GRIP1: variants seen among roughly 807,000 people sequenced by gnomAD.
GRIP1 encodes glutamate receptor interacting protein 1.
In GRIP1, 45 loss-of-function variants were observed where a neutral mutation model predicts 129.9. The ratio of observed to expected loss-of-function variants is 0.35; its 90% CI spans 0.27 to 0.44. The LOEUF (loss-of-function observed/expected upper bound fraction) is 0.44. GRIP1 is among the 20% of genes least tolerant of loss of function. The pLI is 1.00. For synonymous variants in GRIP1, 530 were observed against 520.8 expected, an observed-to-expected ratio of 1.02 and a Z score of -0.24; for missense variants, 1,196 against 1,396.8, an observed-to-expected ratio of 0.86 and a Z score of 2.29.
intron 1 of GRIP1, among the ~76,000 whole-genome samples, chr12:66,719,931 A>G (rs1424169942): frequency 6.6e-6 from 1 of 152,208 alleles, no homozygotes; most frequent in Non-Finnish European, 1.5e-5. Context: ...GCCCAATATC[A>G]CACAATGAGT....
At chr12:66,668,115 G>A (rs1362795106) in intron 1 of GRIP1, among the ~76,000 whole-genome samples, 1 of 152,172 alleles carries the variant, frequency 6.6e-6, no homozygotes, top group Non-Finnish European at 1.5e-5. Flanking sequence ...TGTGGTCAGT[G>A]TGCCTTGAGT....
intron 1 of GRIP1, among the ~76,000 whole-genome samples, chr12:67,000,345 T>C (rs1304498598): frequency 1.3e-5 from 2 of 152,230 alleles, no homozygotes; most frequent in Non-Finnish European, 2.9e-5. Context: ...GATTTAGCTA[T>C]ATTTCTCCGA....
intron 23 of GRIP1, among the ~76,000 whole-genome samples, chr12:66,370,959 AATCATCTACTGCAAGTCTGTAATGAAAG>A (rs2055453557): frequency 6.6e-6 from 1 of 152,090 alleles, no homozygotes; most frequent in Non-Finnish European, 1.5e-5. Context: ...TGAACAACAT[AATCATCTACTGCAAGTCTGTAATGAAAG>A]ATTAAGCCTC....
chr12:67,026,061 T>A (rs1039935052), intron 1 of GRIP1, among the ~76,000 whole-genome samples: 1 of 152,194 alleles, frequency 6.6e-6, no homozygotes, highest in Non-Finnish European at 1.5e-5. Context: ...TAACTCCCTG[T>A]CGGGGCTGCT....
intron 15 of GRIP1, among the ~76,000 whole-genome samples, chr12:66,414,262 C>T (rs2057505525): frequency 6.6e-6 from 1 of 152,184 alleles, no homozygotes; most frequent in African/African-American, 2.4e-5. Flanking sequence ...CATACAAAAT[C>T]ACTGTGCAGA....
intron 1 of GRIP1, among the ~76,000 whole-genome samples, chr12:66,707,950 T>C (rs2035589821): frequency 6.6e-6 from 1 of 152,074 alleles, no homozygotes; most frequent in Admixed American, 6.6e-5. Context: ...TGCATAGTAC[T>C]GAATGTTAGT....
At chr12:66,759,638 C>T (rs1456618443) in intron 1 of GRIP1, among the ~76,000 whole-genome samples, 1 of 151,860 alleles carries the variant, frequency 6.6e-6, no homozygotes, top group South Asian at 2.1e-4. Context: ...CCCAAGTCAC[C>T]TTTTGAATGC....
intron 1 of GRIP1, among the ~76,000 whole-genome samples, chr12:67,000,213 T>C (rs143073402): frequency 1.3e-5 from 2 of 152,238 alleles, no homozygotes; most frequent in Non-Finnish European, 2.9e-5. Context: ...ATTAGGTAAG[T>C]ACTACAGGGC....
At chr12:66,705,696 A>G (rs2035504250) in intron 1 of GRIP1, among the ~76,000 whole-genome samples, 1 of 152,190 alleles carries the variant, frequency 6.6e-6, no homozygotes, top group South Asian at 2.1e-4. Context: ...TGGTACTGGT[A>G]CCAAAACAGA....
chr12:66,387,794 AAAAT>A (rs2056417524), intron 19 of GRIP1, among the ~76,000 whole-genome samples: 1 of 152,266 alleles, frequency 6.6e-6, no homozygotes, highest in South Asian at 2.1e-4. Context: ...ACGAAAGAGA[AAAAT>A]AAAATCCTGC....
At chr12:66,703,053 T>C (rs2035404899) in intron 1 of GRIP1, among the ~76,000 whole-genome samples, 1 of 152,148 alleles carries the variant, frequency 6.6e-6, no homozygotes, top group Non-Finnish European at 1.5e-5. Flanking sequence ...ACTTCCAGGA[T>C]AGAGTCTGCA....
chr12:66,729,468 T>C (rs1254372903), intron 1 of GRIP1, among the ~76,000 whole-genome samples: 4 of 152,146 alleles, frequency 2.6e-5, no homozygotes, highest in African/African-American at 7.2e-5. Flanking sequence ...CAAAAGTAAA[T>C]CTAGAAGGAA....
At chr12:66,654,581 G>A (rs1402454232) in intron 1 of GRIP1, among the ~76,000 whole-genome samples, 1 of 152,164 alleles carries the variant, frequency 6.6e-6, no homozygotes, top group Non-Finnish European at 1.5e-5. Context: ...AACTATGCTG[G>A]TATGTAAATA....
At chr12:66,448,130 C>T (rs905042842) in intron 11 of GRIP1, among the ~76,000 whole-genome samples, 4 of 152,072 alleles carry the variant, frequency 2.6e-5, no homozygotes, top group Admixed American at 1.3e-4. Flanking sequence ...AGTAATGGAT[C>T]TCCCTCCTTG....
intron 1 of GRIP1, among the ~76,000 whole-genome samples, chr12:66,955,695 CAG>C (rs958464852): frequency 1.3e-5 from 2 of 151,796 alleles, no homozygotes; most frequent in Non-Finnish European, 2.9e-5. Context: ...TTAGTAGAGA[CAG>C]GGTTCCTCCA....
chr12:66,600,852 A>G (rs2064245644), intron 1 of GRIP1, among the ~76,000 whole-genome samples: 1 of 152,216 alleles, frequency 6.6e-6, no homozygotes, highest in Non-Finnish European at 1.5e-5. Flanking sequence ...CTAGTGAGCT[A>G]CTGCTCGCTG....
chr12:66,639,429 A>G (rs568410160), intron 1 of GRIP1, among the ~76,000 whole-genome samples: 10 of 152,208 alleles, frequency 6.6e-5, no homozygotes, highest in Non-Finnish European at 1.5e-4. Context: ...CACACAGCAT[A>G]GAACAGCACA....
intron 1 of GRIP1, among the ~76,000 whole-genome samples, chr12:66,687,155 A>G (rs915703042): frequency 5.9e-5 from 9 of 152,186 alleles, no homozygotes; most frequent in African/African-American, 2.2e-4. Flanking sequence ...CTTCAAATAA[A>G]ACTGTACTGA....
At chr12:66,665,076 C>T (rs767823960) in intron 1 of GRIP1, among the ~76,000 whole-genome samples, 1 of 152,010 alleles carries the variant, frequency 6.6e-6, no homozygotes, top group Non-Finnish European at 1.5e-5. Context: ...TGCAGTGGGG[C>T]GATCACTGCT....
Sources: gnomAD v4.1 joint callset for allele counts (sites outside exome capture counted in the v4.1 genomes callset) on GRCh38, gnomAD v4.1.1 for gene constraint, MANE v1.5 for transcripts, NCBI Gene and HGNC (gene_info 2026-07-23, HGNC 2026-07-21) for gene names.